The following EVA1C variants were observed in gnomAD, a reference collection of about 807,000 sequenced individuals.
The protein encoded by EVA1C is eva-1 homolog C.
EVA1C carries 25 observed loss-of-function variants against 45.4 expected under a neutral mutation model. The ratio of observed to expected loss-of-function variants is 0.55; its 90% CI spans 0.40 to 0.77. The LOEUF is 0.77. Ranked by LOEUF, EVA1C falls within the 30% of genes least tolerant of loss-of-function variation. The probability of loss-of-function intolerance (pLI) is 0.00; values close to 1 mark genes in which losing one functional copy is unlikely to be tolerated. For synonymous variants in EVA1C, 190 were observed against 221.2 expected (o/e 0.86, Z 1.25); for missense variants, 479 against 554.8 (o/e 0.86, Z 1.37).
At chr21:32,471,253 A>G (rs553220221) in intron 4 of EVA1C, among the ~76,000 whole-genome samples, 1 of 151,334 alleles carries the variant, frequency 6.6e-6, no homozygotes, top group South Asian at 2.1e-4. Context: ...CAGAACAGGG[A>G]TTGTGCAAGG....
At chr21:32,505,208 C>A (rs941342593) in intron 7 of EVA1C, among the ~76,000 whole-genome samples, 3 of 152,062 alleles carry the variant, frequency 2.0e-5, no homozygotes, top group African/African-American at 7.2e-5. Flanking sequence ...ATGCAAAGTT[C>A]AGTCTTGGGG....
intron 7 of EVA1C, among the ~76,000 whole-genome samples, chr21:32,504,950 A>G (rs2037677435): frequency 6.6e-6 from 1 of 152,126 alleles, no homozygotes; most frequent in African/African-American, 2.4e-5. Flanking sequence ...AATGAGGAGC[A>G]AAGTCACGTC....
chr21:32,486,655 A>G (rs902095574), intron 4 of EVA1C, among the ~76,000 whole-genome samples: 4 of 152,196 alleles, frequency 2.6e-5, no homozygotes, highest in Admixed American at 6.6e-5. Context: ...AAAGGCCTTA[A>G]TAGTCCATTT....
chr21:32,412,668 T>A (rs1216290636), upstream of EVA1C: 3 of 452,874 alleles, frequency 6.6e-6, no homozygotes, highest in Non-Finnish European at 7.5e-6. Flanking sequence ...CTCCGCCCCC[T>A]CCCCTTTGCT....
rs764881621 is a variant in EVA1C, at chr21:32,443,506, C to T, written c.161-9806C>T. ...GAGCCAAGATTGCGCCATTGCACTC[C>T]AGCCTGGGCAAGAAGAGCGAAACTC... On this transcript the variant is annotated intron_variant, in intron 1 of 7. Transcript: ENST00000300255. 1.1e-4 allele frequency among the ~76,000 whole-genome samples: 17 copies of T among 152,100 alleles called. 1 individual carries two copies. The highest frequency in any genetic ancestry group is 2.6e-4 in the Admixed American group (4 of 15,268).
chr21:32,465,978 T>G (rs2036157737), intron 3 of EVA1C, among the ~76,000 whole-genome samples: 1 of 152,230 alleles, frequency 6.6e-6, no homozygotes, highest in African/African-American at 2.4e-5. Context: ...TGTCCATTTC[T>G]GTCACTCTGT....
At chr21:32,478,225 T>C (rs2036653893) in intron 4 of EVA1C, among the ~76,000 whole-genome samples, 2 of 151,582 alleles carry the variant, frequency 1.3e-5, no homozygotes, top group South Asian at 4.2e-4. Flanking sequence ...TTTATATATA[T>C]ATATATTTTT....
At chr21:32,475,890 T>TCTAA (rs1365017184) in intron 4 of EVA1C, among the ~76,000 whole-genome samples, 2 of 53,968 alleles carry the variant, frequency 3.7e-5, no homozygotes, top group Non-Finnish European at 6.9e-5. Context: ...TATCTATCTA[T>TCTAA]CTATCTATCT....
intron 4 of EVA1C, among the ~76,000 whole-genome samples, chr21:32,476,672 G>C (rs769650198): frequency 6.6e-6 from 1 of 152,110 alleles, no homozygotes; most frequent in East Asian, 1.9e-4. Context: ...AAGTTCAAGA[G>C]GAAGAGGGTG....
rs7282387 is a variant in EVA1C, at chr21:32,415,675, C to T, written c.160+2662C>T. Among the ~76,000 whole-genome samples the T allele has an allele frequency of 6.1e-3, 927 of 152,130 alleles. 7 individuals are homozygous for T. The highest frequency in any genetic ancestry group is 0.021 in the African/African-American group (876 of 41,498). On this transcript the variant is annotated intron_variant, in intron 1 of 7. Transcript: ENST00000300255. Reference sequence around the variant, plus strand: ...CCCCCTCCTCCTCCCTGTCCATGCTCGTGACTTGTTCTAATCACCTCCAAG... The same window carrying T: ...CCCCCTCCTCCTCCCTGTCCATGCTTGTGACTTGTTCTAATCACCTCCAAG...
chr21:32,445,554 G>A (rs140533084), intron 1 of EVA1C, among the ~76,000 whole-genome samples: 182 of 152,220 alleles, frequency 1.2e-3, no homozygotes, highest in African/African-American at 4.1e-3. Context: ...GGGGCCCCAA[G>A]ATTTATTTTC....
At chr21:32,487,719 CAAA>C (rs61448371) in intron 4 of EVA1C, among the ~76,000 whole-genome samples, 4 of 119,562 alleles carry the variant, frequency 3.3e-5, no homozygotes, top group Admixed American at 1.7e-4. Flanking sequence ...GACTCCATCT[CAAA>C]AAAAAAAAAA....
chr21:32,415,137 G>A (rs959914941), intron 1 of EVA1C, among the ~76,000 whole-genome samples: 5 of 152,116 alleles, frequency 3.3e-5, no homozygotes, highest in African/African-American at 1.2e-4. Flanking sequence ...AAAGCTTGCC[G>A]CCTGTGTTCC....
At chr21:32,483,962 ATG>A (rs55688415) in intron 4 of EVA1C, among the ~76,000 whole-genome samples, 3,633 of 147,154 alleles carry the variant, frequency 0.025, 116 homozygotes, top group East Asian at 0.18. Flanking sequence ...CTCACTGTTT[ATG>A]TGTGTGTGTG....
intron 1 of EVA1C, among the ~76,000 whole-genome samples, chr21:32,429,149 A>C (rs1416163488): frequency 6.6e-6 from 1 of 151,226 alleles, no homozygotes; most frequent in Non-Finnish European, 1.5e-5. Flanking sequence ...CTTAACCTTC[A>C]CTTAACCCAG....
intron 4 of EVA1C, among the ~76,000 whole-genome samples, chr21:32,488,448 C>A (rs1459993974): frequency 6.6e-6 from 1 of 152,326 alleles, no homozygotes; most frequent in East Asian, 1.9e-4. Context: ...TTTCTCCACA[C>A]CCTCTCCAAA....
Position 32,412,936 on chromosome 21 carries a change from C to T in EVA1C, c.83C>T (p.Pro28Leu), listed in dbSNP as rs202009859. 5 of 1,539,262 alleles carry T rather than the reference C, an allele frequency of 3.2e-6. No homozygotes were observed. Among genetic ancestry groups the T allele is most frequent in the African/African-American group, 1.4e-5 (1 of 70,502 alleles). The change falls in exon 1 of 8, where the codon CCG becomes CTG. Residue 28 changes from proline (P) to leucine (L), a missense_variant. Coordinates refer to ENST00000300255, the MANE Select transcript of EVA1C (RefSeq NM_058187.5). The part of the protein sequence containing the change: ...HPGLRRQVEP[P>L]GQLLRLFYCT... ...GGCCTCCGCCGGCAGGTAGAGCCGC[C>T]GGGGCAGCTCCTGCGCCTCTTCTAC...
At position 32,499,634 on chromosome 21, in the gene EVA1C, G is replaced by A. The variant is rs2037465830; in HGVS notation, c.779-1781G>A. Among the ~76,000 whole-genome samples the A allele has an allele frequency of 2.0e-5, 3 of 152,228 alleles. No homozygotes were observed. In the South Asian group the frequency reaches 6.2e-4, roughly 32 times the overall value. On this transcript the variant is annotated intron_variant, in intron 5 of 7. Transcript: ENST00000300255. ...TCTTGCTGCTGAAGATGCCTCACTTGTTCTTTTATAAAAAAGCAGTGCAAT... is the reference window on the plus strand; with the variant it reads ...TCTTGCTGCTGAAGATGCCTCACTTATTCTTTTATAAAAAAGCAGTGCAAT...
rs890094979 is a variant in EVA1C at position 32,412,755 on chromosome 21, C to G, written c.-99C>G. 8.1e-5 allele frequency: 98 copies of G among 1,206,594 alleles called. No homozygotes were observed. Among genetic ancestry groups the G allele is most frequent in the Non-Finnish European group, 1.0e-4 (96 of 939,292 alleles). 74.7% of individuals were successfully genotyped at this position (1,206,594 alleles called of 1,614,324 possible). On this transcript the variant is annotated 5_prime_UTR_variant, in exon 1 of 8. Transcript: ENST00000300255. ...GGGAGGCGGCGGGGGGCCGCGGAGC[C>G]GCTGGCCATCGATTCTCCCCGCCAT...
Sources: gnomAD v4.1 joint callset for allele counts (sites outside exome capture counted in the v4.1 genomes callset) on GRCh38, gnomAD v4.1.1 for gene constraint, MANE v1.5 for transcripts, NCBI Gene and HGNC (gene_info 2026-07-23, HGNC 2026-07-21) for gene names.